NOPCHAP1: variants seen among roughly 807,000 people sequenced by gnomAD.
NOPCHAP1 encodes the protein NOP protein chaperone 1, also known as DNA damage-sensitive RNA 1.
In NOPCHAP1, 13 loss-of-function variants were observed where a neutral mutation model predicts 14.0. That is an observed-to-expected ratio of 0.93 (90% CI 0.60 to 1.47). NOPCHAP1 has a LOEUF of 1.47. Among genes scored for constraint, NOPCHAP1 ranks in the 40% most tolerant of loss-of-function variants. The pLI, the probability that NOPCHAP1 is intolerant of heterozygous loss-of-function variation, is 0.00. For synonymous variants in NOPCHAP1, 78 were observed against 78.4 expected (o/e 1.00, Z 0.03); for missense variants, 230 against 226.9 (o/e 1.01, Z -0.09).
chr12:105,009,899 C>T lies in NOPCHAP1; in HGVS notation c.*15203C>T, dbSNP rs944212811. ...TATTGAGGATTTTTGCATTGATGTT[C>T]ATCAGGGATATTGGCTTGAAATTTT... On this transcript the variant is annotated 3_prime_UTR_variant, in exon 4 of 4. Coordinates refer to ENST00000552951, the MANE Select transcript of NOPCHAP1 (RefSeq NM_152318.3). The T allele has an allele frequency of 9.2e-5, 14 of 152,140 alleles. No homozygotes were observed. The highest frequency in any genetic ancestry group is 3.4e-4 in the African/African-American group (14 of 41,420). 9.4% of individuals were successfully genotyped at this position (152,140 alleles called of 1,614,324 possible). A position where few individuals can be genotyped will look rare whatever the true frequency, so the allele number is the denominator to read the frequency against.
intron 3 of NOPCHAP1, 130 bp from the exon 4 acceptor site, chr12:104,994,348 A>G (rs1165210495): frequency 1.1e-6 from 1 of 909,646 alleles, no homozygotes; most frequent in East Asian, 2.5e-5. Context: ...CTCTGTCTCC[A>G]AAAAAAACCA....
Position 105,001,324 on chromosome 12 carries a change from G to C in NOPCHAP1, c.*6628G>C, listed in dbSNP as rs1483818801. ...AACATATTGTTATCCCATTAAGGGT[G>C]GCAATTGATGAAATCCATCTGTAAA... On this transcript the variant is annotated 3_prime_UTR_variant, in exon 4 of 4. Coordinates refer to ENST00000552951, the MANE Select transcript of NOPCHAP1 (RefSeq NM_152318.3). 6.6e-6 allele frequency: 1 copy of C among 152,174 alleles called. No individual in the cohort carries two copies. The highest frequency in any genetic ancestry group is 1.5e-5 in the Non-Finnish European group (1 of 68,018). 9.4% of individuals were successfully genotyped at this position (152,174 alleles called of 1,614,324 possible).
Position 104,997,662 on chromosome 12 carries a change from T to G in NOPCHAP1, c.*2966T>G, listed in dbSNP as rs1258632023. The G allele has an allele frequency of 6.6e-6, 1 of 152,160 alleles. No individual in the cohort carries two copies. The highest frequency in any genetic ancestry group is 1.9e-4 in the East Asian group (1 of 5,196). The allele number at this position is 152,160 out of a possible 1,614,324, so 9.4% of individuals were successfully genotyped here. On this transcript the variant is annotated 3_prime_UTR_variant, in exon 4 of 4. Transcript: ENST00000552951. ...TTTCTTTCATTTCCACCTTGGAGGA[T>G]CTGATGACTGTATGTTTTAGGTTGG... is the stretch of plus-strand genomic sequence containing the variant.
At position 105,000,781 on chromosome 12, in the gene NOPCHAP1, C is replaced by T. The variant is rs1421670786; in HGVS notation, c.*6085C>T. Reference sequence around the variant, plus strand: ...GCTTGGTTGTCCTCCATTGATAGATCGTGAAAGGCTTTTTTTTTAACCTGG... The same window carrying T: ...GCTTGGTTGTCCTCCATTGATAGATTGTGAAAGGCTTTTTTTTTAACCTGG... On this transcript the variant is annotated 3_prime_UTR_variant, in exon 4 of 4. Transcript: ENST00000552951. The T allele has an allele frequency of 6.6e-6, 1 of 151,834 alleles. No homozygotes were observed. Among genetic ancestry groups the T allele is most frequent in the African/African-American group, 2.4e-5 (1 of 41,298 alleles). The allele number at this position is 151,834 out of a possible 1,614,324, so 9.4% of individuals were successfully genotyped here. A position where few individuals can be genotyped will look rare whatever the true frequency, so the allele number is the denominator to read the frequency against.
chr12:104,986,545 C>A, intron 1 of NOPCHAP1, 78 bp downstream of exon 1: 2 of 1,210,434 alleles, frequency 1.7e-6, no homozygotes, highest in Non-Finnish European at 2.3e-6. Context: ...GGGAGCCGGC[C>A]GGTGGCTCCC....
rs1406585810 is a variant in NOPCHAP1 at position 104,991,642 on chromosome 12, G to T, written c.203-70G>T. ...TATTATTAATACTCAATTCAGAAGT[G>T]TTTATAGGAAATCCTGGGTTTCAGA... On this transcript the variant is annotated intron_variant, in intron 2 of 3. Transcript: ENST00000552951. 2.1e-6 allele frequency: 3 copies of T among 1,442,724 alleles called. No homozygotes were observed. The African/African-American group carries it at 4.3e-5, about 21-fold the overall frequency. The allele number at this position is 1,442,724 out of a possible 1,614,324, so 89.4% of individuals were successfully genotyped here.
In NOPCHAP1 at chr12:104,995,848, T is replaced by TC. The variant is rs548852232; in HGVS notation, c.*1152_*1153insC. On this transcript the variant is annotated 3_prime_UTR_variant, in exon 4 of 4. Coordinates refer to ENST00000552951, the MANE Select transcript of NOPCHAP1 (RefSeq NM_152318.3). ...GGCGCCCACCACCATGCCCGGCTAA[T>TC]TTTTTTTTTTTTTGTATTTTTAGTA... 9.6e-5 allele frequency: 11 copies of TC among 114,184 alleles called. No individual in the cohort carries two copies. Among genetic ancestry groups the TC allele is most frequent in the African/African-American group, 4.0e-4 (11 of 27,648 alleles). The allele number at this position is 114,184 out of a possible 1,614,324, so 7.1% of individuals were successfully genotyped here.
At position 105,013,617 on chromosome 12, in the gene NOPCHAP1, C is replaced by T. The variant is rs986758437; in HGVS notation, c.*18921C>T. On this transcript the variant is annotated 3_prime_UTR_variant, in exon 4 of 4. Transcript: ENST00000552951. ...CCCAGGGCCCTGGTGGTGTAGGCACCCGAGGGAATCTCCTGGTCTGCGGGT... is the reference window on the plus strand; with the variant it reads ...CCCAGGGCCCTGGTGGTGTAGGCACTCGAGGGAATCTCCTGGTCTGCGGGT... The T allele has an allele frequency of 6.6e-6, 1 of 152,436 alleles. No individual in the cohort carries two copies. Among genetic ancestry groups the T allele is most frequent in the Non-Finnish European group, 1.5e-5 (1 of 68,296 alleles). 9.4% of individuals were successfully genotyped at this position (152,436 alleles called of 1,614,324 possible). A position where few individuals can be genotyped will look rare whatever the true frequency, so the allele number is the denominator to read the frequency against.
In NOPCHAP1 at chr12:105,010,016, T is replaced by C. The variant is rs750741292; in HGVS notation, c.*15320T>C. The C allele has an allele frequency of 4.0e-5, 6 of 150,200 alleles. No individual in the cohort carries two copies. Among genetic ancestry groups the C allele is most frequent in the Non-Finnish European group, 8.9e-5 (6 of 67,402 alleles). 9.3% of individuals were successfully genotyped at this position (150,200 alleles called of 1,614,324 possible). A position where few individuals can be genotyped will look rare whatever the true frequency, so the allele number is the denominator to read the frequency against. On this transcript the variant is annotated 3_prime_UTR_variant, in exon 4 of 4. Coordinates refer to ENST00000552951, the MANE Select transcript of NOPCHAP1 (RefSeq NM_152318.3). ...GGAGGAGTCCCTCTTTTTCTATTGT[T>C]GGGAATAGTTTCAGAAGGAATGGTA...
At chr12:104,991,668 A>C (rs1347932079) in intron 2 of NOPCHAP1, 44 bp from the exon 3 acceptor site, 7 of 1,542,458 alleles carry the variant, frequency 4.5e-6, no homozygotes, top group Non-Finnish European at 6.1e-6. Context: ...GGGTTTCAGA[A>C]TTTACTAGCA....
intron 1 of NOPCHAP1, 40 bp downstream of exon 1, chr12:104,986,507 G>C: frequency 6.6e-7 from 1 of 1,510,570 alleles, no homozygotes; most frequent in Non-Finnish European, 9.0e-7. Flanking sequence ...GCACACGTGC[G>C]GCAGAGGAGG....
At position 104,987,091 on chromosome 12, in the gene NOPCHAP1, A is replaced by G. The variant is rs149577378; in HGVS notation, c.115+624A>G. On this transcript the variant is annotated intron_variant, in intron 1 of 3. Coordinates refer to ENST00000552951, the MANE Select transcript of NOPCHAP1 (RefSeq NM_152318.3). ...CATTTGGAAAATGGTGATAGTAGTA[A>G]TGCCTGTAGAATTTTTGTGAGGAGG... 3.6e-3 allele frequency among the ~76,000 whole-genome samples: 545 copies of G among 152,296 alleles called. 1 individual carries two copies. The highest frequency in any genetic ancestry group is 6.4e-3 in the Non-Finnish European group (435 of 68,016).
Position 105,008,700 on chromosome 12 carries a change from TG to T in NOPCHAP1, c.*14006del, listed in dbSNP as rs1485272804. The T allele has an allele frequency of 6.6e-6, 1 of 152,224 alleles. No individual in the cohort carries two copies. The highest frequency in any genetic ancestry group is 1.5e-5 in the Non-Finnish European group (1 of 68,036). The allele number at this position is 152,224 out of a possible 1,614,324, so 9.4% of individuals were successfully genotyped here. The stretch of plus-strand genomic sequence containing the variant: ...GGGTCCAGTTTCAGTTTTCTGCATA[TG>T]GCTAGCCAGTTTACCCAACACCATT... On this transcript the variant is annotated 3_prime_UTR_variant, in exon 4 of 4. Coordinates refer to ENST00000552951, the MANE Select transcript of NOPCHAP1 (RefSeq NM_152318.3).
intron 3 of NOPCHAP1, 134 bp downstream of exon 3, chr12:104,991,982 A>G: frequency 1.9e-6 from 2 of 1,052,980 alleles, no homozygotes; most frequent in Non-Finnish European, 2.6e-6. Flanking sequence ...GTATAGGTAC[A>G]TAGTCATTTT....
chr12:105,013,437 A>G lies in NOPCHAP1; in HGVS notation c.*18741A>G, dbSNP rs1466900551. 6.6e-6 allele frequency: 1 copy of G among 152,236 alleles called. No individual in the cohort carries two copies. Among genetic ancestry groups the G allele is most frequent in the African/African-American group, 2.4e-5 (1 of 41,398 alleles). The allele number at this position is 152,236 out of a possible 1,614,324, so 9.4% of individuals were successfully genotyped here. ...GGGCTCTGTGGGGGTGGGATTTGCT[A>G]AGCTTGACCACTTGGCTTTCTATCT... On this transcript the variant is annotated 3_prime_UTR_variant, in exon 4 of 4. Transcript: ENST00000552951.
rs936045043 is a variant in NOPCHAP1 at position 104,996,700 on chromosome 12, G to A, written c.*2004G>A. 1 of 152,312 alleles carries A rather than the reference G, an allele frequency of 6.6e-6. No homozygotes were observed. The highest frequency in any genetic ancestry group is 1.9e-4 in the East Asian group (1 of 5,190). 9.4% of individuals were successfully genotyped at this position (152,312 alleles called of 1,614,324 possible). ...CTTGATGATCTGCCTAATACTGTCA[G>A]TGGGGTGTTAAAGTCTCCCACTATT... On this transcript the variant is annotated 3_prime_UTR_variant, in exon 4 of 4. Transcript: ENST00000552951.
rs1282881056 is a variant in NOPCHAP1, at chr12:105,017,275, G to A, written c.*22579G>A. The stretch of plus-strand genomic sequence containing the variant: ...AGCACTTTGGGAGGCCAAGGTGGGT[G>A]GATCACCTGAGGTCAGGAATCCAGA... On this transcript the variant is annotated 3_prime_UTR_variant, in exon 4 of 4. Coordinates refer to ENST00000552951, the MANE Select transcript of NOPCHAP1 (RefSeq NM_152318.3). 1 of 152,154 alleles carries A rather than the reference G, an allele frequency of 6.6e-6. No homozygotes were observed. Among genetic ancestry groups the A allele is most frequent in the Non-Finnish European group, 1.5e-5 (1 of 68,038 alleles). 9.4% of individuals were successfully genotyped at this position (152,154 alleles called of 1,614,324 possible). A position where few individuals can be genotyped will look rare whatever the true frequency, so the allele number is the denominator to read the frequency against.
intron 3 of NOPCHAP1, among the ~76,000 whole-genome samples, chr12:104,994,245 TGA>T (rs1873444273): frequency 1.3e-5 from 2 of 152,078 alleles, no homozygotes; most frequent in Non-Finnish European, 2.9e-5. Flanking sequence ...CTCAGGAGGC[TGA>T]GAGGCACAAG....
At chr12:104,986,550 G>T in intron 1 of NOPCHAP1, 83 bp downstream of exon 1, 2 of 1,186,624 alleles carry the variant, frequency 1.7e-6, no homozygotes, top group African/African-American at 3.2e-5. Flanking sequence ...CCGGCCGGTG[G>T]CTCCCTGCCC....
Sources: allele counts gnomAD v4.1 joint callset (sites outside exome capture counted in the v4.1 genomes callset), GRCh38; gene constraint gnomAD v4.1.1; transcripts MANE v1.5; gene names NCBI Gene and HGNC (gene_info 2026-07-23, HGNC 2026-07-21).